CHODL: variants seen among roughly 807,000 people sequenced by gnomAD.
The protein encoded by CHODL is chondrolectin.
CHODL carries 29 observed loss-of-function variants against 34.5 expected under a neutral mutation model. The observed-to-expected ratio is 0.84, with a 90% CI of 0.63 to 1.15. CHODL has a LOEUF of 1.15. CHODL is among the 50% of genes most tolerant of loss of function. The pLI is 0.00. For missense variants in CHODL, 332 were observed against 332.5 expected (o/e 1.00, Z 0.01); for synonymous variants, 125 against 116.1 (o/e 1.08, Z -0.49).
chr21:18,252,809 T>A (rs1215496607), intron 1 of CHODL, among the ~76,000 whole-genome samples: 1 of 152,102 alleles, frequency 6.6e-6, no homozygotes, highest in Non-Finnish European at 1.5e-5. Context: ...CAGTTGACGG[T>A]GGGCTGCTGT....
chr21:18,056,169 T>A (rs1324592167), intron 2 of CHODL, among the ~76,000 whole-genome samples: 6 of 152,006 alleles, frequency 3.9e-5, no homozygotes, highest in African/African-American at 7.2e-5. Context: ...TAATGATCAT[T>A]TGGAGGGATG....
At chr21:17,934,063 A>G (rs2063299409) in intron 1 of CHODL, among the ~76,000 whole-genome samples, 1 of 151,834 alleles carries the variant, frequency 6.6e-6, no homozygotes, top group African/African-American at 2.4e-5. Context: ...AAAAAGAAAT[A>G]GTAGTCACTG....
chr21:18,166,345 T>C (rs2073153520), intron 2 of CHODL, among the ~76,000 whole-genome samples: 1 of 152,206 alleles, frequency 6.6e-6, no homozygotes, highest in African/African-American at 2.4e-5. Flanking sequence ...TTCCTTTTGA[T>C]TAACTTAAAA....
At chr21:18,215,114 C>T (rs2073811361) in intron 2 of CHODL, among the ~76,000 whole-genome samples, 1 of 151,812 alleles carries the variant, frequency 6.6e-6, no homozygotes, top group South Asian at 2.1e-4. Context: ...GCCGTCTTGC[C>T]TCATAATTGT....
intron 2 of CHODL, among the ~76,000 whole-genome samples, chr21:18,076,953 G>C (rs1361928172): frequency 6.6e-6 from 1 of 152,166 alleles, no homozygotes; most frequent in Non-Finnish European, 1.5e-5. Flanking sequence ...ACAAGAATGG[G>C]ACCACCTAAA....
At chr21:17,981,263 C>G (rs1488782872) in intron 1 of CHODL, among the ~76,000 whole-genome samples, 8 of 152,154 alleles carry the variant, frequency 5.3e-5, no homozygotes, top group Non-Finnish European at 1.2e-4. Context: ...TTTCAGAGCT[C>G]AGCTCTATCT....
chr21:18,210,655 A>T (rs188945822), intron 2 of CHODL, among the ~76,000 whole-genome samples: 3 of 152,306 alleles, frequency 2.0e-5, no homozygotes, highest in African/African-American at 7.2e-5. Flanking sequence ...ACATAAAAAC[A>T]TCTAGAAATT....
intron 2 of CHODL, among the ~76,000 whole-genome samples, chr21:18,100,316 C>T (rs376202262): frequency 8.5e-6 from 1 of 118,028 alleles, no homozygotes; most frequent in Non-Finnish European, 2.0e-5. Context: ...CAGAAGTGAG[C>T]AGGTAGACAG....
chr21:18,052,745 C>A (rs1262503028), intron 2 of CHODL, among the ~76,000 whole-genome samples: 2 of 151,848 alleles, frequency 1.3e-5, no homozygotes, highest in Non-Finnish European at 2.9e-5. Flanking sequence ...AGTTTTGCTA[C>A]CACTCTCCAG....
chr21:18,248,393 C>G (rs1477345749), intron 1 of CHODL, among the ~76,000 whole-genome samples: 3 of 151,054 alleles, frequency 2.0e-5, no homozygotes, highest in African/African-American at 7.3e-5. Flanking sequence ...TTCAGAGATG[C>G]AATTACTTTA....
chr21:17,965,376 T>C (rs2063563606), intron 1 of CHODL, among the ~76,000 whole-genome samples: 1 of 152,206 alleles, frequency 6.6e-6, no homozygotes. Context: ...TTTCACAATA[T>C]ATAGTGCAGT....
intron 2 of CHODL, among the ~76,000 whole-genome samples, chr21:18,154,511 A>C (rs544986937): frequency 8.5e-5 from 13 of 152,230 alleles, no homozygotes; most frequent in African/African-American, 2.9e-4. Context: ...CTGTTAATCC[A>C]TCTAATTTTA....
upstream of CHODL, among the ~76,000 whole-genome samples, chr21:18,241,258 A>T (rs2207390): frequency 0.041 from 6,270 of 152,112 alleles, 457 homozygotes; most frequent in African/African-American, 0.14. Flanking sequence ...ATAAAAAAAA[A>T]AAAACTTTTT....
At chr21:18,138,208 T>TA (rs2072757427) in intron 2 of CHODL, among the ~76,000 whole-genome samples, 3 of 152,090 alleles carry the variant, frequency 2.0e-5, no homozygotes, top group African/African-American at 7.2e-5. Flanking sequence ...TTTTCCACTG[T>TA]AAAATCTTTG....
chr21:18,069,064 G>T (rs2824627), intron 2 of CHODL, among the ~76,000 whole-genome samples: 7,295 of 152,174 alleles, frequency 0.048, 259 homozygotes, highest in Middle Eastern at 0.078. Context: ...GTTAGAGTAA[G>T]CAAATTTTTT....
intron 1 of CHODL, among the ~76,000 whole-genome samples, chr21:17,972,143 G>T (rs898943843): frequency 2.0e-5 from 3 of 152,118 alleles, no homozygotes; most frequent in Non-Finnish European, 2.9e-5. Context: ...TTGATGGAAT[G>T]TATCTCAAAA....
chr21:18,228,953 C>T (rs1359781535), intron 2 of CHODL, among the ~76,000 whole-genome samples: 1 of 152,102 alleles, frequency 6.6e-6, no homozygotes, highest in African/African-American at 2.4e-5. Flanking sequence ...ATTTACCATA[C>T]AAAGACAAAT....
intron 1 of CHODL, among the ~76,000 whole-genome samples, chr21:17,936,081 C>G (rs866845771): frequency 2.0e-5 from 3 of 152,170 alleles, no homozygotes; most frequent in Middle Eastern, 3.4e-3. Flanking sequence ...ATTATCATAT[C>G]GTAGAAATAG....
intron 2 of CHODL, among the ~76,000 whole-genome samples, chr21:18,196,454 T>C (rs1199854946): frequency 6.6e-6 from 1 of 152,164 alleles, no homozygotes; most frequent in Non-Finnish European, 1.5e-5. Context: ...TCCTACAGCA[T>C]TGCTATAGCA....
Sources: gnomAD v4.1 joint callset for allele counts (sites outside exome capture counted in the v4.1 genomes callset) on GRCh38, gnomAD v4.1.1 for gene constraint, MANE v1.5 for transcripts, NCBI Gene and HGNC (gene_info 2026-07-23, HGNC 2026-07-21) for gene names.